The following SP100 variants were observed in gnomAD, a reference collection of about 807,000 sequenced individuals.
The protein encoded by SP100 is nuclear autoantigen Sp-100.
In SP100, 84 loss-of-function variants were observed where a neutral mutation model predicts 130.0. That is an observed-to-expected ratio of 0.65 (90% CI 0.54 to 0.77). SP100 has a LOEUF of 0.77. SP100 is among the 30% of genes least tolerant of loss of function. The pLI is 0.00. For synonymous variants in SP100, 331 were observed against 351.7 expected (o/e 0.94, Z 0.66); for missense variants, 978 against 1,052.2 (o/e 0.93, Z 0.97).
chr2:230,443,552 G>T (rs2063553844), intron 3 of SP100, among the ~76,000 whole-genome samples: 1 of 152,134 alleles, frequency 6.6e-6, no homozygotes, highest in South Asian at 2.1e-4. Flanking sequence ...AAACCCACAG[G>T]GAATTGATGT....
chr2:230,522,161 G>A (rs574795225), intron 24 of SP100, among the ~76,000 whole-genome samples: 11 of 152,252 alleles, frequency 7.2e-5, no homozygotes, highest in East Asian at 3.9e-4. Flanking sequence ...AAGCCCAACC[G>A]ATGGAGAAAG....
intron 17 of SP100, among the ~76,000 whole-genome samples, chr2:230,487,086 GAT>G (rs2066142747): frequency 6.6e-6 from 1 of 152,138 alleles, no homozygotes; most frequent in South Asian, 2.1e-4. Flanking sequence ...TTGTCAGATG[GAT>G]AGATTGCAAA....
intron 24 of SP100, among the ~76,000 whole-genome samples, chr2:230,513,255 T>C (rs1042982459): frequency 6.6e-6 from 1 of 152,208 alleles, no homozygotes; most frequent in African/African-American, 2.4e-5. Context: ...TGGATACAGA[T>C]CGCAACATGC....
At chr2:230,523,460 C>T (rs908666647) in intron 24 of SP100, among the ~76,000 whole-genome samples, 3 of 151,926 alleles carry the variant, frequency 2.0e-5, no homozygotes, top group Non-Finnish European at 4.4e-5. Context: ...TGAGTTTAGA[C>T]GTTTGAGACC....
At chr2:230,486,577 G>A (rs1386760544) in intron 17 of SP100, among the ~76,000 whole-genome samples, 1 of 152,176 alleles carries the variant, frequency 6.6e-6, no homozygotes, top group Non-Finnish European at 1.5e-5. Context: ...GTCTATCATT[G>A]TTGGGCATCT....
intron 2 of SP100, among the ~76,000 whole-genome samples, chr2:230,439,003 C>T (rs555694625): frequency 9.7e-4 from 147 of 152,232 alleles, no homozygotes; most frequent in African/African-American, 2.9e-3. Context: ...ACCACATCCA[C>T]GCCAACATCT....
At chr2:230,456,426 C>T (rs1021012809) in intron 8 of SP100, among the ~76,000 whole-genome samples, 1 of 152,106 alleles carries the variant, frequency 6.6e-6, no homozygotes, top group Non-Finnish European at 1.5e-5. Context: ...AGACCATTGA[C>T]CTTCTTGTAC....
chr2:230,441,619 C>T (rs2063471386), intron 2 of SP100, among the ~76,000 whole-genome samples: 1 of 152,162 alleles, frequency 6.6e-6, no homozygotes, highest in Non-Finnish European at 1.5e-5. Context: ...AAGGCAGACA[C>T]AAAAGCATAT....
At chr2:230,532,372 T>C (rs1408591789) in intron 24 of SP100, among the ~76,000 whole-genome samples, 5 of 152,314 alleles carry the variant, frequency 3.3e-5, no homozygotes, top group South Asian at 4.1e-4. Context: ...TTCAGATCTT[T>C]TCCTTTAATG....
intron 9 of SP100, 40 bp downstream of exon 9, chr2:230,461,454 G>A: frequency 6.2e-7 from 1 of 1,607,368 alleles, no homozygotes; most frequent in Non-Finnish European, 8.5e-7. Context: ...TGAGTCACAG[G>A]TTACCAGGTA....
intron 5 of SP100, among the ~76,000 whole-genome samples, chr2:230,447,903 T>G (rs1323918304): frequency 1.3e-5 from 2 of 152,238 alleles, no homozygotes; most frequent in African/African-American, 4.8e-5. Flanking sequence ...TAATCTCATG[T>G]TCAGCTCCCC....
At position 230,542,975 on chromosome 2, in the gene SP100, C is replaced by T; in HGVS notation, c.*29C>T. On this transcript the variant is annotated 3_prime_UTR_variant, in exon 29 of 29. Transcript: ENST00000340126. ...TTCTTATCTCCTCCCTTCAGATCCT[C>T]TGGCAGCTAGCTACGCAATGTGCCT... 1 of 1,279,218 alleles carries T rather than the reference C, an allele frequency of 7.8e-7. No homozygotes were observed. Among genetic ancestry groups the T allele is most frequent in the Middle Eastern group, 1.9e-4 (1 of 5,352 alleles). 79.2% of individuals were successfully genotyped at this position (1,279,218 alleles called of 1,614,324 possible).
intron 24 of SP100, chr2:230,515,022 C>A (rs1690824421): frequency 1.9e-6 from 3 of 1,584,338 alleles, no homozygotes; most frequent in Non-Finnish European, 8.5e-7. Flanking sequence ...AATAACTAAA[C>A]ATGGACAAAG....
intron 17 of SP100, among the ~76,000 whole-genome samples, chr2:230,484,532 G>A (rs2065975455): frequency 6.6e-6 from 1 of 152,118 alleles, no homozygotes; most frequent in African/African-American, 2.4e-5. Context: ...CATGATGATC[G>A]ATTTGTTCAA....
intron 16 of SP100, among the ~76,000 whole-genome samples, chr2:230,473,965 A>G (rs911723726): frequency 1.3e-5 from 2 of 152,294 alleles, no homozygotes. Flanking sequence ...GCCTAAAAAG[A>G]CAAATAGTCC....
intron 17 of SP100, among the ~76,000 whole-genome samples, chr2:230,492,298 CGTTT>C (rs986845683): frequency 9.2e-5 from 14 of 152,160 alleles, no homozygotes; most frequent in East Asian, 3.9e-4. Flanking sequence ...CCCTGTTTTT[CGTTT>C]GTTTGTTTTG....
At chr2:230,477,034 T>C (rs1304963825) in intron 17 of SP100, among the ~76,000 whole-genome samples, 2 of 151,944 alleles carry the variant, frequency 1.3e-5, no homozygotes, top group East Asian at 3.9e-4. Flanking sequence ...CCCGGCTAAT[T>C]TTTTGTACTT....
intron 4 of SP100, among the ~76,000 whole-genome samples, chr2:230,445,983 C>A (rs913003728): frequency 2.0e-5 from 3 of 152,210 alleles, no homozygotes; most frequent in Non-Finnish European, 4.4e-5. Context: ...GAAGTCCACA[C>A]AAGCTGCCCC....
intron 24 of SP100, chr2:230,514,971 G>A: frequency 6.6e-7 from 1 of 1,504,622 alleles, no homozygotes; most frequent in Non-Finnish European, 8.8e-7. Context: ...GCAAGTGAGA[G>A]CTGGACAGGC....
Sources: allele counts gnomAD v4.1 joint callset (sites outside exome capture counted in the v4.1 genomes callset), GRCh38; gene constraint gnomAD v4.1.1; transcripts MANE v1.5; gene names NCBI Gene and HGNC (gene_info 2026-07-23, HGNC 2026-07-21).